GALNT17: variants seen among roughly 807,000 people sequenced by gnomAD.
GALNT17 encodes the protein UDP-GalNAc:polypeptide N-acetylgalactosaminyltransferase-like 3.
Under a neutral mutation model 63.7 loss-of-function variants are expected in GALNT17, and 29 were observed. The observed-to-expected ratio is 0.46, with a 90% CI of 0.34 to 0.62. The LOEUF (loss-of-function observed/expected upper bound fraction) is 0.62, where lower values mean the gene tolerates loss of function less well. GALNT17 is among the 20% of genes least tolerant of loss of function. GALNT17 has a pLI of 0.01. For missense variants in GALNT17, 603 were observed against 799.6 expected (o/e 0.75, Z 2.97); for synonymous variants, 305 against 318.3 (o/e 0.96, Z 0.45).
chr7:71,425,955 G>A (rs762358197), intron 5 of GALNT17, among the ~76,000 whole-genome samples: 7 of 152,116 alleles, frequency 4.6e-5, no homozygotes, highest in African/African-American at 1.7e-4. Flanking sequence ...AAGCAGGCAC[G>A]TATTACATGG....
chr7:71,262,554 C>T (rs1790404667), intron 1 of GALNT17, among the ~76,000 whole-genome samples: 3 of 152,078 alleles, frequency 2.0e-5, no homozygotes, highest in Admixed American at 6.5e-5. Context: ...ATCCCCAGAA[C>T]CTCAGAATGA....
chr7:71,256,092 C>T (rs1790284455), intron 1 of GALNT17, among the ~76,000 whole-genome samples: 1 of 152,170 alleles, frequency 6.6e-6, no homozygotes, highest in African/African-American at 2.4e-5. Flanking sequence ...GTCTCCACAA[C>T]TCCTTATCAC....
intron 1 of GALNT17, among the ~76,000 whole-genome samples, chr7:71,138,325 G>GAA (rs55792123): frequency 9.9e-5 from 15 of 151,236 alleles, no homozygotes; most frequent in Admixed American, 3.3e-4. Flanking sequence ...TGGCTCAAAA[G>GAA]AAAAAAAAAT....
At chr7:71,568,862 A>AT (rs1288707630) in intron 5 of GALNT17, among the ~76,000 whole-genome samples, 1 of 152,230 alleles carries the variant, frequency 6.6e-6, no homozygotes, top group Non-Finnish European at 1.5e-5. Flanking sequence ...GCATGGTCCC[A>AT]TGCATCATAC....
intron 5 of GALNT17, among the ~76,000 whole-genome samples, chr7:71,542,283 A>G (rs1031820383): frequency 2.0e-5 from 3 of 152,056 alleles, no homozygotes; most frequent in East Asian, 3.8e-4. Flanking sequence ...CCATAAATAT[A>G]CTTGTGTAAT....
intron 6 of GALNT17, among the ~76,000 whole-genome samples, chr7:71,637,296 C>T (rs900048008): frequency 2.0e-5 from 3 of 152,138 alleles, no homozygotes; most frequent in Non-Finnish European, 2.9e-5. Context: ...AGTGATTCCC[C>T]TGCCTCAGCC....
At position 71,712,199 on chromosome 7, in the gene GALNT17, C is replaced by A. The variant is rs935201299; in HGVS notation, c.*53C>A. 3.0e-5 allele frequency: 48 copies of A among 1,583,906 alleles called. 1 individual carries two copies. The highest frequency in any genetic ancestry group is 3.4e-5 in the South Asian group (3 of 87,760). On this transcript the variant is annotated 3_prime_UTR_variant, in exon 11 of 11. Transcript: ENST00000333538. ...GGCCCCCAGGACATGGCTGCTCCCCCCAACATCTGGACCAGCTGCCCTGGC... is the reference window on the plus strand; with the variant it reads ...GGCCCCCAGGACATGGCTGCTCCCCACAACATCTGGACCAGCTGCCCTGGC...
chr7:71,502,895 T>G (rs1171413738), intron 5 of GALNT17, among the ~76,000 whole-genome samples: 3 of 152,186 alleles, frequency 2.0e-5, no homozygotes, highest in Non-Finnish European at 4.4e-5. Flanking sequence ...AGGATATCAG[T>G]TTGCCCCATC....
chr7:71,575,902 A>G (rs1373074863), intron 6 of GALNT17, among the ~76,000 whole-genome samples: 2 of 152,192 alleles, frequency 1.3e-5, no homozygotes, highest in African/African-American at 4.8e-5. Context: ...ATCAATACAG[A>G]AAAGAAGTTT....
intron 1 of GALNT17, among the ~76,000 whole-genome samples, chr7:71,331,678 G>A (rs6952259): frequency 0.31 from 46,279 of 151,584 alleles, 7,763 homozygotes; most frequent in Non-Finnish European, 0.37. Flanking sequence ...TTATACCACT[G>A]CACTCCAGCC....
intron 1 of GALNT17, among the ~76,000 whole-genome samples, chr7:71,162,608 G>A (rs778527480): frequency 2.6e-5 from 4 of 152,030 alleles, no homozygotes; most frequent in Non-Finnish European, 5.9e-5. Context: ...GAAGTCACCC[G>A]TGAAGTCAGC....
At chr7:71,228,629 C>T (rs183984170) in intron 1 of GALNT17, among the ~76,000 whole-genome samples, 4 of 152,260 alleles carry the variant, frequency 2.6e-5, no homozygotes, top group African/African-American at 9.6e-5. Context: ...TGGCTTGTGG[C>T]GGCATCACTC....
At chr7:71,590,655 T>C (rs1789783916) in intron 6 of GALNT17, among the ~76,000 whole-genome samples, 1 of 152,222 alleles carries the variant, frequency 6.6e-6, no homozygotes, top group Non-Finnish European at 1.5e-5. Flanking sequence ...GCCCCTATTC[T>C]ATTTAGGGCA....
At chr7:71,310,359 G>A (rs1390499738) in intron 1 of GALNT17, among the ~76,000 whole-genome samples, 1 of 152,132 alleles carries the variant, frequency 6.6e-6, no homozygotes, top group Non-Finnish European at 1.5e-5. Flanking sequence ...GTGTTCAATG[G>A]CATCGTCTTT....
At chr7:71,388,651 C>T (rs534487703) in intron 3 of GALNT17, among the ~76,000 whole-genome samples, 8 of 152,040 alleles carry the variant, frequency 5.3e-5, no homozygotes, top group Admixed American at 2.0e-4. Flanking sequence ...CTCAGCCTCC[C>T]GAGTAGCTGG....
intron 2 of GALNT17, among the ~76,000 whole-genome samples, chr7:71,381,785 A>G (rs2116320726): frequency 6.6e-6 from 1 of 151,906 alleles, no homozygotes; most frequent in Non-Finnish European, 1.5e-5. Flanking sequence ...TCTCAGAAAA[A>G]AGAAAAGAAA....
At chr7:71,135,199 C>T (rs1208718729) in intron 1 of GALNT17, among the ~76,000 whole-genome samples, 1 of 152,090 alleles carries the variant, frequency 6.6e-6, no homozygotes, top group Non-Finnish European at 1.5e-5. Flanking sequence ...TAGCTGTACC[C>T]TAACTTCCCT....
At chr7:71,491,572 C>T (rs1788008534) in intron 5 of GALNT17, among the ~76,000 whole-genome samples, 1 of 152,114 alleles carries the variant, frequency 6.6e-6, no homozygotes, top group Non-Finnish European at 1.5e-5. Flanking sequence ...CATATCAGCC[C>T]GGATAGGTTA....
chr7:71,162,860 T>C (rs145469530), intron 1 of GALNT17, among the ~76,000 whole-genome samples: 84 of 152,296 alleles, frequency 5.5e-4, no homozygotes, highest in Non-Finnish European at 7.8e-4. Context: ...TTGCTCTGAT[T>C]GATGTGGAGA....
Sources: gnomAD v4.1 joint callset for allele counts (sites outside exome capture counted in the v4.1 genomes callset) on GRCh38, gnomAD v4.1.1 for gene constraint, MANE v1.5 for transcripts, NCBI Gene and HGNC (gene_info 2026-07-23, HGNC 2026-07-21) for gene names.